The following KIF26B variants were observed in gnomAD, a reference collection of about 807,000 sequenced individuals.
KIF26B encodes the protein kinesin-like protein KIF26B.
Under a neutral mutation model 151.2 loss-of-function variants are expected in KIF26B, and 63 were observed. The observed-to-expected ratio is 0.42, with a 90% CI of 0.34 to 0.51. The LOEUF (loss-of-function observed/expected upper bound fraction) is 0.51. Ranked by LOEUF, KIF26B falls within the 20% of genes least tolerant of loss-of-function variation. The pLI is 0.07. For synonymous variants in KIF26B, 1,357 were observed against 1,262.1 expected (o/e 1.08, Z -1.59); for missense variants, 2,813 against 2,913.6 (o/e 0.97, Z 0.79).
At chr1:245,579,853 A>G (rs1476263442) in intron 5 of KIF26B, among the ~76,000 whole-genome samples, 1 of 114,818 alleles carries the variant, frequency 8.7e-6, no homozygotes, top group Admixed American at 8.9e-5. Flanking sequence ...CATCTCAAAG[A>G]AAAAAAAAAA....
At chr1:245,286,514 C>CCTGGGCGACAGAGTGAGACCCTGTCTA (rs1175239117) in intron 2 of KIF26B, among the ~76,000 whole-genome samples, 3 of 152,158 alleles carry the variant, frequency 2.0e-5, no homozygotes, top group Non-Finnish European at 4.4e-5. Context: ...TGCACTCTAG[C>CCTGGGCGACAGAGTGAGACCCTGTCTA]CTGGGCGACA....
chr1:245,578,303 C>T (rs905904747), intron 5 of KIF26B, among the ~76,000 whole-genome samples: 1 of 152,246 alleles, frequency 6.6e-6, no homozygotes, highest in African/African-American at 2.4e-5. Flanking sequence ...CCATGAGCCT[C>T]ATACAGTGAA....
Position 245,367,062 on chromosome 1 carries a change from G to T in KIF26B, c.694G>T (p.Gly232Trp). ...PPLSNIPTLV[G>W]SRHVGGLQQP... Reference sequence around the variant, plus strand: ...GCTCTCCAACATCCCCACCCTGGTGGGGTCCCGGCACGTGGGTGGGCTCCA... The same window carrying T: ...GCTCTCCAACATCCCCACCCTGGTGTGGTCCCGGCACGTGGGTGGGCTCCA... The change falls in exon 3 of 15, where the codon GGG becomes TGG. Residue 232 changes from glycine to tryptophan, a missense_variant. Gly to Trp is a radical substitution (Grantham distance 184). This residue lies in a region of KIF26B where 676 missense variants were observed against 688.1 expected (regional missense o/e 0.98). Transcript: ENST00000407071. The surrounding 1 kb of genome is among the most constrained non-coding windows in gnomAD (Gnocchi z 4.2). The T allele has an allele frequency of 6.2e-7, 1 of 1,606,098 alleles. No individual in the cohort carries two copies. Among genetic ancestry groups the T allele is most frequent in the East Asian group, 2.3e-5 (1 of 44,414 alleles).
chr1:245,306,785 G>A (rs187081736), intron 2 of KIF26B, among the ~76,000 whole-genome samples: 6 of 152,226 alleles, frequency 3.9e-5, no homozygotes, highest in East Asian at 3.9e-4. Context: ...TCTGCCTTGC[G>A]TTATATTTAT....
At chr1:245,556,741 A>G (rs1277617212) in intron 5 of KIF26B, among the ~76,000 whole-genome samples, 1 of 152,096 alleles carries the variant, frequency 6.6e-6, no homozygotes, top group Non-Finnish European at 1.5e-5. Context: ...AGGTCTCTGT[A>G]TCATCAAGAA....
At chr1:245,276,286 G>T (rs979175569) in intron 2 of KIF26B, among the ~76,000 whole-genome samples, 8 of 151,944 alleles carry the variant, frequency 5.3e-5, no homozygotes, top group South Asian at 2.1e-4. Context: ...AGTGAGTTGA[G>T]ATTGCACCCC....
At chr1:245,370,562 A>C (rs773330230) in intron 3 of KIF26B, 25 of 456,418 alleles carry the variant, frequency 5.5e-5, no homozygotes, top group Non-Finnish European at 1.1e-4. Flanking sequence ...GACAACTCAC[A>C]TTTCACCTTC....
chr1:245,382,159 T>C (rs1189472864), intron 3 of KIF26B, among the ~76,000 whole-genome samples: 3 of 152,222 alleles, frequency 2.0e-5, no homozygotes, highest in Non-Finnish European at 4.4e-5. Flanking sequence ...TTTTCCATAG[T>C]AGCGGCCCCA....
At chr1:245,643,099 ATTGT>A (rs2043910944) in intron 9 of KIF26B, among the ~76,000 whole-genome samples, 1 of 152,092 alleles carries the variant, frequency 6.6e-6, no homozygotes, top group Admixed American at 6.5e-5. Flanking sequence ...CGTTTAAATG[ATTGT>A]TTATTTCTAT....
intron 8 of KIF26B, among the ~76,000 whole-genome samples, chr1:245,609,770 A>G (rs890685250): frequency 6.6e-6 from 1 of 151,256 alleles, no homozygotes; most frequent in Non-Finnish European, 1.5e-5. Context: ...TTGGGGGAGA[A>G]ATGGAATTCA....
At chr1:245,390,189 A>T (rs1238384267) in intron 3 of KIF26B, among the ~76,000 whole-genome samples, 1 of 98,654 alleles carries the variant, frequency 1.0e-5, no homozygotes. Context: ...TTTTTTTTTT[A>T]AGAAGTACAG....
intron 5 of KIF26B, among the ~76,000 whole-genome samples, chr1:245,576,298 A>G (rs1012271570): frequency 6.6e-6 from 1 of 152,136 alleles, no homozygotes; most frequent in Admixed American, 6.5e-5. Flanking sequence ...GTGAAGTGTC[A>G]TTGTTGGTGG....
intron 2 of KIF26B, among the ~76,000 whole-genome samples, chr1:245,261,840 C>T (rs1043038703): frequency 2.0e-5 from 3 of 151,998 alleles, no homozygotes; most frequent in Non-Finnish European, 4.4e-5. Flanking sequence ...ACCTTGGCCT[C>T]TCAAAGTACT....
intron 9 of KIF26B, among the ~76,000 whole-genome samples, chr1:245,639,138 G>C (rs941306033): frequency 6.6e-6 from 1 of 151,694 alleles, no homozygotes; most frequent in African/African-American, 2.4e-5. Context: ...TTTTATTACT[G>C]TTCCAATCTA....
intron 2 of KIF26B, among the ~76,000 whole-genome samples, chr1:245,307,833 C>T (rs1478504729): frequency 1.3e-5 from 2 of 151,874 alleles, no homozygotes; most frequent in Admixed American, 6.6e-5. Context: ...CTCCGCCTCC[C>T]GGGTTCACGC....
In KIF26B at chr1:245,679,457, G is replaced by GTGTTTTTTTTTTTTTTTTTTTTTTTTT. The variant is rs2044400945; in HGVS notation, c.2259-4775_2259-4774insGTTTTTTTTTTTTTTTTTTTTTTTTTT. ...GGTTTTTTGTGTTTTTTTTGTGTGTGTTTTTTTTTTTTTTTTTTTTTTTTT... is the reference window on the plus strand; with the variant it reads ...GGTTTTTTGTGTTTTTTTTGTGTGTGTGTTTTTTTTTTTTTTTTTTTTTTTTTTTTTTTTTTTTTTTTTTTTTTTTTT... On this transcript the variant is annotated intron_variant, in intron 10 of 14. Transcript: ENST00000407071. 6.8e-5 allele frequency among the ~76,000 whole-genome samples: 4 copies of GTGTTTTTTTTTTTTTTTTTTTTTTTTT among 59,210 alleles called. 2 individuals carry two copies. 38.8% of individuals were successfully genotyped at this position (59,210 alleles called of 152,430 possible).
intron 10 of KIF26B, among the ~76,000 whole-genome samples, chr1:245,665,176 T>C (rs999206930): frequency 6.6e-6 from 1 of 152,218 alleles, no homozygotes; most frequent in Admixed American, 6.5e-5. Context: ...TATTTCAGGG[T>C]CCCCTGTTTG....
intron 3 of KIF26B, among the ~76,000 whole-genome samples, chr1:245,419,234 C>T (rs1572052763): frequency 6.6e-6 from 1 of 152,144 alleles, no homozygotes; most frequent in African/African-American, 2.4e-5. Flanking sequence ...TGGTAAGAAG[C>T]CAGCATTAGT....
At chr1:245,406,275 C>T (rs1325846029) in intron 3 of KIF26B, among the ~76,000 whole-genome samples, 4 of 152,166 alleles carry the variant, frequency 2.6e-5, no homozygotes, top group Non-Finnish European at 4.4e-5. Flanking sequence ...TAGTTCCTAA[C>T]ACTTAATGTA....
Sources: allele counts gnomAD v4.1 joint callset (sites outside exome capture counted in the v4.1 genomes callset), GRCh38; gene constraint gnomAD v4.1.1; regional missense constraint gnomAD v4.1.1; non-coding constraint Gnocchi (gnomAD v3.1); transcripts MANE v1.5; gene names NCBI Gene and HGNC (gene_info 2026-07-23, HGNC 2026-07-21).